The following PDE10A variants were observed in gnomAD, a reference collection of about 807,000 sequenced individuals.
The protein encoded by PDE10A is cAMP and cAMP-inhibited cGMP 3',5'-cyclic phosphodiesterase 10A.
In PDE10A, 39 loss-of-function variants were observed where a neutral mutation model predicts 97.7. The ratio of observed to expected loss-of-function variants is 0.40; its 90% CI spans 0.31 to 0.52. PDE10A has a LOEUF of 0.52. Among genes scored for constraint, PDE10A ranks in the 20% least tolerant of loss-of-function variants. The pLI, the probability that PDE10A is intolerant of heterozygous loss-of-function variation, is 0.56. For missense variants in PDE10A, 731 were observed against 1,047.8 expected, an observed-to-expected ratio of 0.70 and a Z score of 4.17; for synonymous variants, 371 against 376.8, an observed-to-expected ratio of 0.98 and a Z score of 0.18.
chr6:165,963,809 C>A (rs1055438173), intron 1 of PDE10A, among the ~76,000 whole-genome samples: 1 of 152,206 alleles, frequency 6.6e-6, no homozygotes, highest in African/African-American at 2.4e-5. Flanking sequence ...TGCTGTGCCT[C>A]CTCCTCTGAG....
chr6:165,655,701 A>G lies in PDE10A; in HGVS notation c.865+6246T>C, dbSNP rs898810488. On this transcript the variant is annotated intron_variant, in intron 1 of 21. Coordinates refer to ENST00000539869, the MANE Select transcript of PDE10A (RefSeq NM_001385079.1). The surrounding 1 kb of genome is among the most constrained non-coding windows in gnomAD (Gnocchi z 4.5). Reference sequence around the variant, plus strand: ...AAACTGCAGCCAGAATGAGCTTCTGAGATCATAAACCATGGATCACCCACT... The same window carrying G: ...AAACTGCAGCCAGAATGAGCTTCTGGGATCATAAACCATGGATCACCCACT... 2.5e-4 allele frequency among the ~76,000 whole-genome samples: 38 copies of G among 152,276 alleles called. No homozygotes were observed. Among genetic ancestry groups the G allele is most frequent in the African/African-American group, 9.1e-4 (38 of 41,560 alleles).
intron 1 of PDE10A, chr6:165,545,248 A>G (rs1167171202): frequency 2.0e-6 from 1 of 490,774 alleles, no homozygotes. Context: ...TGACGACACC[A>G]AAATCTAAAT....
At chr6:165,491,170 T>C (rs899408430) in intron 2 of PDE10A, among the ~76,000 whole-genome samples, 4 of 152,130 alleles carry the variant, frequency 2.6e-5, no homozygotes, top group African/African-American at 7.2e-5. Flanking sequence ...AGGGACATTA[T>C]ATAATAATAA....
At chr6:165,736,462 A>G (rs1187981128) in intron 1 of PDE10A, among the ~76,000 whole-genome samples, 1 of 152,188 alleles carries the variant, frequency 6.6e-6, no homozygotes, top group Non-Finnish European at 1.5e-5. Context: ...AGGAGAGTGA[A>G]GTGAGCACCA....
intron 1 of PDE10A, among the ~76,000 whole-genome samples, chr6:165,656,827 G>A (rs1158405223): frequency 1.3e-5 from 2 of 152,198 alleles, no homozygotes; most frequent in Non-Finnish European, 2.9e-5. Flanking sequence ...GCGCCCTACA[G>A]CCTGTCTGTG....
intron 10 of PDE10A, among the ~76,000 whole-genome samples, chr6:165,423,526 A>C (rs1443830408): frequency 6.6e-6 from 1 of 152,126 alleles, no homozygotes; most frequent in Admixed American, 6.5e-5. Context: ...GCATCAACCT[A>C]TTGAGAAGCA....
At chr6:165,933,988 CT>C (rs35582422) in intron 1 of PDE10A, among the ~76,000 whole-genome samples, 597 of 140,096 alleles carry the variant, frequency 4.3e-3, no homozygotes, top group Admixed American at 4.4e-3. Context: ...CATCAATTCC[CT>C]TTTTTTTTTT....
At chr6:165,453,899 A>G (rs1405411915) in intron 3 of PDE10A, among the ~76,000 whole-genome samples, 1 of 152,164 alleles carries the variant, frequency 6.6e-6, no homozygotes. Flanking sequence ...AACTCTGGAG[A>G]AGCTCAGGCA....
intron 1 of PDE10A, chr6:165,576,395 T>C: frequency 1.3e-6 from 1 of 780,856 alleles, no homozygotes; most frequent in South Asian, 1.3e-5. Context: ...TTTGCTGGCT[T>C]CGTGTCCTCT....
chr6:165,582,190 A>G (rs567914770), intron 1 of PDE10A, among the ~76,000 whole-genome samples: 25 of 152,222 alleles, frequency 1.6e-4, no homozygotes, highest in Non-Finnish European at 3.2e-4. Context: ...ACACAGCTCT[A>G]TACAGAAGTA....
intron 1 of PDE10A, among the ~76,000 whole-genome samples, chr6:165,754,693 C>T (rs1269202154): frequency 6.6e-6 from 1 of 152,096 alleles, no homozygotes; most frequent in Non-Finnish European, 1.5e-5. Flanking sequence ...ACTCCACTTA[C>T]CGTGTGAATT....
At chr6:165,913,888 C>A (rs761681903) in intron 1 of PDE10A, among the ~76,000 whole-genome samples, 1 of 152,206 alleles carries the variant, frequency 6.6e-6, no homozygotes, top group Admixed American at 6.5e-5. Context: ...CTTGCAGTTT[C>A]GCAAAGAGAT....
intron 1 of PDE10A, among the ~76,000 whole-genome samples, chr6:165,881,371 ATTTCTTTTCTTT>A: frequency 1.3e-5 from 2 of 148,260 alleles, no homozygotes; most frequent in South Asian, 4.3e-4. Flanking sequence ...GCAACAAGCA[ATTTCTTTTCTTT>A]TTTCTTTTCT....
At position 165,662,033 on chromosome 6, in the gene PDE10A, G is replaced by T; in HGVS notation, c.779C>A (p.Ala260Glu). 1 of 1,483,394 alleles carries T rather than the reference G, an allele frequency of 6.7e-7. No homozygotes were observed. The highest frequency in any genetic ancestry group is 9.0e-7 in the Non-Finnish European group (1 of 1,109,932). The allele number at this position is 1,483,394 out of a possible 1,614,324, so 91.9% of individuals were successfully genotyped here. Residue 260 changes from alanine (A) to glutamate (E), a missense_variant, in exon 1 of 22, where the codon GCG becomes GAG. Around this residue, in one of 8 missense-constraint regions of PDE10A, gnomAD observed 181 missense variants for 159.1 expected, o/e 1.14. Transcript: ENST00000539869. ...TTCCATGTCGGAGCCGAAGAGCAGCGCGGCCGCGGCGGCGAGGGCGAAGCT... is the reference window on the plus strand; with the variant it reads ...TTCCATGTCGGAGCCGAAGAGCAGCTCGGCCGCGGCGGCGAGGGCGAAGCT... ...GASFALAAAA[A>E]LLFGSDMEDG...
At chr6:165,538,124 G>A (rs1305204102) in intron 2 of PDE10A, among the ~76,000 whole-genome samples, 2 of 151,658 alleles carry the variant, frequency 1.3e-5, no homozygotes, top group African/African-American at 4.8e-5. Context: ...AGGTTTAGGG[G>A]GCATAATTTA....
intron 1 of PDE10A, among the ~76,000 whole-genome samples, chr6:165,805,976 C>G (rs1779125901): frequency 1.4e-5 from 2 of 147,684 alleles, no homozygotes; most frequent in South Asian, 4.3e-4. Context: ...TGAGAAAGCG[C>G]CTGCTTCCTC....
chr6:165,857,382 A>G (rs111267931), intron 1 of PDE10A, among the ~76,000 whole-genome samples: 64 of 152,322 alleles, frequency 4.2e-4, no homozygotes, highest in African/African-American at 1.5e-3. Context: ...TTCCTTCCAC[A>G]ATGCTCAGAT....
intron 1 of PDE10A, among the ~76,000 whole-genome samples, chr6:165,865,097 C>T (rs927371736): frequency 6.6e-6 from 1 of 152,168 alleles, no homozygotes; most frequent in Admixed American, 6.5e-5. Flanking sequence ...AAAATTGACG[C>T]ACCTGGCATT....
chr6:165,894,210 G>A (rs917084779), intron 1 of PDE10A: 8 of 429,482 alleles, frequency 1.9e-5, no homozygotes, highest in South Asian at 4.9e-5. Flanking sequence ...AAGGAGAGCC[G>A]TCTCTGGAGG....
Sources: allele counts gnomAD v4.1 joint callset (sites outside exome capture counted in the v4.1 genomes callset), GRCh38; gene constraint gnomAD v4.1.1; regional missense constraint gnomAD v4.1.1; non-coding constraint Gnocchi (gnomAD v3.1); transcripts MANE v1.5; gene names NCBI Gene and HGNC (gene_info 2026-07-23, HGNC 2026-07-21).